ATXN7L1: variants seen among roughly 807,000 people sequenced by gnomAD.
ATXN7L1 encodes ataxin-7-like protein 1.
In ATXN7L1, 15 loss-of-function variants were observed where a neutral mutation model predicts 70.8. The ratio of observed to expected loss-of-function variants is 0.21; its 90% confidence interval spans 0.14 to 0.33. ATXN7L1 has a LOEUF of 0.33. Ranked by LOEUF, ATXN7L1 falls within the 10% of genes least tolerant of loss-of-function variation. The pLI, the probability that ATXN7L1 is intolerant of heterozygous loss-of-function variation, is 1.00. For synonymous variants in ATXN7L1, 440 were observed against 445.1 expected (o/e 0.99, Z 0.14); for missense variants, 975 against 1,097.1 (o/e 0.89, Z 1.57).
At chr7:105,838,341 A>G (rs1812708837) in intron 2 of ATXN7L1, among the ~76,000 whole-genome samples, 1 of 152,228 alleles carries the variant, frequency 6.6e-6, no homozygotes, top group African/African-American at 2.4e-5. Context: ...AGCTATTTGC[A>G]TAAGCGTTGT....
intron 2 of ATXN7L1, among the ~76,000 whole-genome samples, chr7:105,828,666 T>G (rs905735431): frequency 6.6e-6 from 1 of 152,188 alleles, no homozygotes; most frequent in Admixed American, 6.5e-5. Flanking sequence ...TGCAAAAAGT[T>G]TCTGAGGGAG....
At chr7:105,816,578 A>AGGG (rs1809230615) in intron 2 of ATXN7L1, among the ~76,000 whole-genome samples, 2 of 152,198 alleles carry the variant, frequency 1.3e-5, no homozygotes, top group Admixed American at 1.3e-4. Flanking sequence ...TCCTTTCCCC[A>AGGG]CAGCCCTCAG....
intron 4 of ATXN7L1, among the ~76,000 whole-genome samples, chr7:105,663,453 T>C (rs990637921): frequency 2.0e-5 from 3 of 152,362 alleles, no homozygotes; most frequent in Non-Finnish European, 2.9e-5. Context: ...GATTTTACTC[T>C]ACAGCTTGCC....
intron 2 of ATXN7L1, among the ~76,000 whole-genome samples, chr7:105,824,537 A>T (rs1810591773): frequency 6.6e-6 from 1 of 152,130 alleles, no homozygotes; most frequent in Admixed American, 6.5e-5. Context: ...TAAAAATATG[A>T]TAGGTGACAT....
intron 3 of ATXN7L1, among the ~76,000 whole-genome samples, chr7:105,673,910 A>G (rs1351600213): frequency 6.6e-6 from 1 of 152,232 alleles, no homozygotes; most frequent in Non-Finnish European, 1.5e-5. Flanking sequence ...GGGGATATTG[A>G]ATCAGCCTTG....
At chr7:105,792,159 C>G (rs957220919) in intron 2 of ATXN7L1, among the ~76,000 whole-genome samples, 11 of 152,182 alleles carry the variant, frequency 7.2e-5, no homozygotes, top group African/African-American at 2.7e-4. Context: ...GGTTCGGCTC[C>G]TTAGAGACTG....
chr7:105,629,239 G>A (rs1308494896), intron 7 of ATXN7L1, among the ~76,000 whole-genome samples: 1 of 152,016 alleles, frequency 6.6e-6, no homozygotes, highest in Non-Finnish European at 1.5e-5. Flanking sequence ...TATTCATCTT[G>A]TAACTGAAAG....
At chr7:105,844,609 C>T (rs555371947) in intron 2 of ATXN7L1, among the ~76,000 whole-genome samples, 13 of 152,294 alleles carry the variant, frequency 8.5e-5, no homozygotes, top group African/African-American at 3.1e-4. Context: ...GAAAAGCCCA[C>T]AGTTAATATC....
intron 4 of ATXN7L1, among the ~76,000 whole-genome samples, chr7:105,649,812 G>A (rs1584511559): frequency 6.6e-6 from 1 of 152,242 alleles, no homozygotes; most frequent in Admixed American, 6.5e-5. Flanking sequence ...GAAGACATAT[G>A]GTATTTGTGC....
intron 3 of ATXN7L1, among the ~76,000 whole-genome samples, chr7:105,778,530 A>AC (rs1455990854): frequency 5.0e-5 from 5 of 99,786 alleles, no homozygotes; most frequent in East Asian, 2.8e-4. Flanking sequence ...AAAAAAAAAA[A>AC]AAAAACAAAG....
chr7:105,866,955 T>TATGTCATGAATGAAACAAA (rs891812675), intron 2 of ATXN7L1, among the ~76,000 whole-genome samples: 1 of 152,188 alleles, frequency 6.6e-6, no homozygotes, highest in Non-Finnish European at 1.5e-5. Flanking sequence ...ACTTCTGAAA[T>TATGTCATGAATGAAACAAA]ATGTCATGAA....
rs552187276 is a variant in ATXN7L1, at chr7:105,687,504, G to A, written c.356-22216C>T. Among the ~76,000 whole-genome samples the A allele has an allele frequency of 5.7e-4, 87 of 152,302 alleles. 1 individual carries two copies. Among genetic ancestry groups the A allele is most frequent in the African/African-American group, 1.9e-3 (80 of 41,570 alleles). On this transcript the variant is annotated intron_variant, in intron 3 of 11. Transcript: ENST00000419735. Reference sequence around the variant, plus strand: ...GTCCAGAGGGTGGATCACATGAAGAGGCGGCAAGAGGGCAGCCATCTGCAA... The same window carrying A: ...GTCCAGAGGGTGGATCACATGAAGAAGCGGCAAGAGGGCAGCCATCTGCAA...
intron 3 of ATXN7L1, among the ~76,000 whole-genome samples, chr7:105,756,237 C>T (rs769890256): frequency 1.3e-5 from 2 of 151,090 alleles, no homozygotes; most frequent in Non-Finnish European, 2.9e-5. Flanking sequence ...CATTTTCATG[C>T]AAATAATCAC....
At chr7:105,753,833 A>C (rs1175793055) in intron 3 of ATXN7L1, among the ~76,000 whole-genome samples, 1 of 152,204 alleles carries the variant, frequency 6.6e-6, no homozygotes, top group African/African-American at 2.4e-5. Flanking sequence ...TTTCTCTTTC[A>C]GAATCATATT....
chr7:105,733,844 AT>A (rs1797034843), intron 3 of ATXN7L1, among the ~76,000 whole-genome samples: 2 of 74,888 alleles, frequency 2.7e-5, no homozygotes, highest in Admixed American at 1.1e-4. Flanking sequence ...CCGTCCACCC[AT>A]CCATCCATCC....
intron 2 of ATXN7L1, among the ~76,000 whole-genome samples, chr7:105,853,300 G>GCGTGTA (rs1815168157): frequency 6.6e-6 from 1 of 152,256 alleles, no homozygotes; most frequent in South Asian, 2.1e-4. Flanking sequence ...TGTAATCCCA[G>GCGTGTA]CACTCTGGGA....
intron 2 of ATXN7L1, among the ~76,000 whole-genome samples, chr7:105,806,585 G>A (rs1807648986): frequency 6.6e-6 from 1 of 152,162 alleles, no homozygotes; most frequent in African/African-American, 2.4e-5. Context: ...TCATGAGCAA[G>A]CGGGGGCCAA....
At chr7:105,619,140 G>GTTTTGTTTTTTTTT (rs1794382228) in intron 9 of ATXN7L1, among the ~76,000 whole-genome samples, 1 of 49,846 alleles carries the variant, frequency 2.0e-5, no homozygotes, top group Non-Finnish European at 3.3e-5. Context: ...GAAATCTTTA[G>GTTTTGTTTTTTTTT]TTTTTTTTTT....
intron 3 of ATXN7L1, among the ~76,000 whole-genome samples, chr7:105,728,088 T>C (rs569851930): frequency 5.8e-4 from 88 of 152,218 alleles, no homozygotes; most frequent in African/African-American, 2.0e-3. Flanking sequence ...ATTTATTATC[T>C]AGCTGGAGAT....
Sources: allele counts gnomAD v4.1 joint callset (sites outside exome capture counted in the v4.1 genomes callset), GRCh38; gene constraint gnomAD v4.1.1; transcripts MANE v1.5; gene names NCBI Gene and HGNC (gene_info 2026-07-23, HGNC 2026-07-21).